DIP2C: variants seen among roughly 807,000 people sequenced by gnomAD.
DIP2C encodes the protein DIP2 acetate--CoA ligase C (putative), also known as disco-interacting protein 2 homolog C.
In DIP2C, 33 loss-of-function variants were observed where a neutral mutation model predicts 192.4. The observed-to-expected ratio is 0.17, with a 90% confidence interval of 0.13 to 0.23. The LOEUF is 0.23. Among genes scored for constraint, DIP2C ranks in the 10% least tolerant of loss-of-function variants. The probability of loss-of-function intolerance (pLI) is 1.00; values close to 1 mark genes in which losing one functional copy is unlikely to be tolerated. For missense variants in DIP2C, 1,537 were observed against 2,110.1 expected, an observed-to-expected ratio of 0.73 and a Z score of 5.32; for synonymous variants, 979 against 864.1, an observed-to-expected ratio of 1.13 and a Z score of -2.33.
intron 3 of DIP2C, among the ~76,000 whole-genome samples, chr10:444,939 T>C (rs989700590): frequency 6.6e-6 from 1 of 152,262 alleles, no homozygotes; most frequent in Non-Finnish European, 1.5e-5. Flanking sequence ...TTGGTGAACA[T>C]CTACAGCATA....
In DIP2C at chr10:364,587, G is replaced by C; in HGVS notation, c.2269-5C>G. 1 of 1,613,052 alleles carries C rather than the reference G, an allele frequency of 6.2e-7. No individual in the cohort carries two copies. Among genetic ancestry groups the C allele is most frequent in the Non-Finnish European group, 8.5e-7 (1 of 1,179,184 alleles). On this transcript the variant is annotated splice_polypyrimidine_tract_variant and splice_region_variant and intron_variant, in intron 19 of 36. Transcript: ENST00000280886. ...GGAGCTTGTCATGGGAAACACCTGG[G>C]GGAAACAGCATCCATCAGGCCACTG...
intron 1 of DIP2C, among the ~76,000 whole-genome samples, chr10:568,781 A>AC (rs1849598127): frequency 2.7e-5 from 4 of 146,302 alleles, no homozygotes; most frequent in Non-Finnish European, 6.0e-5. Context: ...AAAAAAAAAA[A>AC]AAAAAAAAAA....
At chr10:365,365 T>G (rs1960066048) in intron 19 of DIP2C, among the ~76,000 whole-genome samples, 1 of 152,162 alleles carries the variant, frequency 6.6e-6, no homozygotes, top group Non-Finnish European at 1.5e-5. Flanking sequence ...AGACCCCATA[T>G]GTACACAAGA....
rs1958495675 is a variant in DIP2C at position 346,748 on chromosome 10, A to ACACACACCCAGACACATCG, written c.3232-1639_3232-1638insCGATGTGTCTGGGTGTGTG. Among the ~76,000 whole-genome samples, 2 of 16,446 alleles carry ACACACACCCAGACACATCG rather than the reference A, an allele frequency of 1.2e-4. 1 individual carries two copies. Among genetic ancestry groups the ACACACACCCAGACACATCG allele is most frequent in the Non-Finnish European group, 2.0e-4 (2 of 9,838 alleles). 10.8% of individuals were successfully genotyped at this position (16,446 alleles called of 152,430 possible). On this transcript the variant is annotated intron_variant, in intron 26 of 36. Transcript: ENST00000280886. ...AACGTCACACACACCCAGACACATCACGCATAGTTCTCCCGGAAACGTCAC... is the reference window on the plus strand; with the variant it reads ...AACGTCACACACACCCAGACACATCACACACACCCAGACACATCGCGCATAGTTCTCCCGGAAACGTCAC...
chr10:615,488 A>G (rs1853403454), intron 1 of DIP2C, among the ~76,000 whole-genome samples: 2 of 152,192 alleles, frequency 1.3e-5, no homozygotes, highest in African/African-American at 2.4e-5. Flanking sequence ...CTCACCCTCA[A>G]TGCAGAAGAG....
chr10:291,454 T>C (rs1461043742), intron 32 of DIP2C, among the ~76,000 whole-genome samples: 1 of 152,026 alleles, frequency 6.6e-6, no homozygotes, highest in African/African-American at 2.4e-5. Context: ...GGGAACAATA[T>C]CCACACAGCC....
intron 1 of DIP2C, among the ~76,000 whole-genome samples, chr10:515,154 G>A (rs555189511): frequency 6.6e-6 from 1 of 152,142 alleles, no homozygotes; most frequent in East Asian, 1.9e-4. Flanking sequence ...TCATCCAATT[G>A]GTTCTTTAAA....
intron 1 of DIP2C, chr10:650,481 C>A (rs1276593501): frequency 1.4e-6 from 1 of 703,790 alleles, no homozygotes; most frequent in Middle Eastern, 2.3e-4. Flanking sequence ...GAGTCCACGG[C>A]CACTTCTACT....
At chr10:615,671 C>A (rs183053564) in intron 1 of DIP2C, among the ~76,000 whole-genome samples, 1 of 152,090 alleles carries the variant, frequency 6.6e-6, no homozygotes, top group Non-Finnish European at 1.5e-5. Flanking sequence ...TCTTCACCAG[C>A]GCATTTCACC....
chr10:563,795 G>A (rs1411959373), intron 1 of DIP2C, among the ~76,000 whole-genome samples: 2 of 152,040 alleles, frequency 1.3e-5, no homozygotes, highest in African/African-American at 4.8e-5. Context: ...CAGACTACTG[G>A]GCTATACCAA....
chr10:417,501 C>T (rs942901296), intron 6 of DIP2C, among the ~76,000 whole-genome samples: 2 of 152,232 alleles, frequency 1.3e-5, no homozygotes, highest in Admixed American at 6.5e-5. Context: ...ATCGCACTGG[C>T]AATCAGGGCG....
chr10:680,383 G>A (rs911822416), intron 1 of DIP2C, among the ~76,000 whole-genome samples: 18 of 152,222 alleles, frequency 1.2e-4, no homozygotes, highest in African/African-American at 3.6e-4. Context: ...ACAATGGCAG[G>A]CTCGGCAGCT....
chr10:684,863 T>C (rs1398267893), intron 1 of DIP2C, among the ~76,000 whole-genome samples: 1 of 152,138 alleles, frequency 6.6e-6, no homozygotes, highest in Non-Finnish European at 1.5e-5. Flanking sequence ...CCAGGCACGG[T>C]GGCTCACGCC....
intron 1 of DIP2C, among the ~76,000 whole-genome samples, chr10:612,304 T>A (rs1029470927): frequency 1.1e-4 from 17 of 150,332 alleles, no homozygotes; most frequent in African/African-American, 2.5e-4. Flanking sequence ...AAAAAAAAAA[T>A]AAACCAATAC....
At chr10:437,799 T>C (rs905953413) in intron 4 of DIP2C, 1 of 152,238 alleles carries the variant, frequency 6.6e-6, no homozygotes, top group Non-Finnish European at 1.5e-5. Context: ...CTCCAGAAAC[T>C]ATGATCCTGG....
chr10:680,014 T>C (rs919975684), intron 1 of DIP2C, among the ~76,000 whole-genome samples: 2 of 152,110 alleles, frequency 1.3e-5, no homozygotes, highest in African/African-American at 4.8e-5. Context: ...ATTAGCCCCA[T>C]TCAACAGCTG....
intron 1 of DIP2C, among the ~76,000 whole-genome samples, chr10:548,158 C>T (rs1402634079): frequency 2.0e-5 from 3 of 148,454 alleles, no homozygotes; most frequent in Non-Finnish European, 4.5e-5. Flanking sequence ...GCACCTAAAA[C>T]AAGGATTCCT....
At chr10:614,314 C>T (rs1445627951) in intron 1 of DIP2C, among the ~76,000 whole-genome samples, 2 of 152,228 alleles carry the variant, frequency 1.3e-5, no homozygotes, top group Admixed American at 6.5e-5. Context: ...GACTCGGAGA[C>T]GGGAGCCTGG....
At chr10:587,835 C>CCACTG (rs1486226726) in intron 1 of DIP2C, among the ~76,000 whole-genome samples, 2 of 88,790 alleles carry the variant, frequency 2.3e-5, no homozygotes, top group African/African-American at 1.0e-4. Context: ...TCCACACCAG[C>CCACTG]CACTGCCTCA....
Sources: gnomAD v4.1 joint callset for allele counts (sites outside exome capture counted in the v4.1 genomes callset) on GRCh38, gnomAD v4.1.1 for gene constraint, MANE v1.5 for transcripts, NCBI Gene and HGNC (gene_info 2026-07-23, HGNC 2026-07-21) for gene names.